Variants in SAXO2 observed in about 807,000 individuals in gnomAD.
SAXO2 encodes stabilizer of axonemal microtubules 2.
In SAXO2, 17 loss-of-function variants were observed where a neutral mutation model predicts 18.7. The ratio of observed to expected loss-of-function variants is 0.91; its 90% confidence interval spans 0.62 to 1.36. The LOEUF (loss-of-function observed/expected upper bound fraction) is 1.36. Ranked by LOEUF, SAXO2 falls within the 40% of genes most tolerant of loss-of-function variation. The pLI, the probability that SAXO2 is intolerant of heterozygous loss-of-function variation, is 0.00. For missense variants in SAXO2, 486 were observed against 562.6 expected (o/e 0.86, Z 1.38); for synonymous variants, 163 against 181.2 (o/e 0.90, Z 0.81).
At chr15:82,277,209 A>G (rs1359033440) in intron 3 of SAXO2, among the ~76,000 whole-genome samples, 1 of 152,186 alleles carries the variant, frequency 6.6e-6, no homozygotes, top group African/African-American at 2.4e-5. Context: ...AAGGCAAGAA[A>G]TAAGGGGTAT....
intron 3 of SAXO2, among the ~76,000 whole-genome samples, chr15:82,279,053 C>T (rs1433389907): frequency 1.3e-5 from 2 of 151,936 alleles, no homozygotes; most frequent in African/African-American, 2.4e-5. Flanking sequence ...ATGAGGATAA[C>T]AGCAGCAATC....
chr15:82,267,944 C>T (rs2075235077), intron 2 of SAXO2, among the ~76,000 whole-genome samples: 1 of 152,202 alleles, frequency 6.6e-6, no homozygotes, highest in African/African-American at 2.4e-5. Context: ...TGATTGAGTG[C>T]AGCAGGTCAG....
Position 82,262,921 on chromosome 15 carries a change from T to G in SAXO2, c.42T>G (p.Ile14Met). The part of the protein sequence containing the change: ...KSMRSWCLCQ[I>M]CSCGRHHCPR... ...TGAGGAGCTGGTGTCTGTGTCAGAT[T>G]TGTAGCTGCGGGTAAGAAACGGCTG... is the stretch of plus-strand genomic sequence containing the variant. The change falls in exon 1 of 4, where the codon ATT becomes ATG. Residue 14 changes from isoleucine (I) to methionine (M), a missense_variant. By Grantham distance (10) the Ile-to-Met change is conservative. Transcript: ENST00000682753. The G allele has an allele frequency of 6.2e-7, 1 of 1,604,852 alleles. No homozygotes were observed. The highest frequency in any genetic ancestry group is 8.5e-7 in the Non-Finnish European group (1 of 1,175,668).
intron 3 of SAXO2, 72 bp from the exon 4 acceptor site, chr15:82,282,047 A>T (rs376690154): frequency 1.6e-6 from 2 of 1,214,272 alleles, no homozygotes; most frequent in Non-Finnish European, 2.3e-6. Context: ...GAGAGAAGTC[A>T]GTTATGATTT....
In SAXO2 at chr15:82,284,255, C is replaced by G. The variant is rs1297974956; in HGVS notation, c.*1193C>G. 1 of 152,164 alleles carries G rather than the reference C, an allele frequency of 6.6e-6. No homozygotes were observed. Among genetic ancestry groups the G allele is most frequent in the Non-Finnish European group, 1.5e-5 (1 of 68,048 alleles). 9.4% of individuals were successfully genotyped at this position (152,164 alleles called of 1,614,324 possible). On this transcript the variant is annotated 3_prime_UTR_variant, in exon 4 of 4. Coordinates refer to ENST00000682753, the MANE Select transcript of SAXO2 (RefSeq NM_001348699.2). ...CCTGTAGCAAGGATTGTAAAATAAC[C>G]TAATTTGCTTTGAGCTTATGAGTAG...
In SAXO2 at chr15:82,262,864, C is replaced by T; in HGVS notation, c.-16C>T. Reference sequence around the variant, plus strand: ...AGTGGAGAAGCTGCAAGTGCTGAGGCGCGGTGGAGGAAAGCATGGGAGCCA... The same window carrying T: ...AGTGGAGAAGCTGCAAGTGCTGAGGTGCGGTGGAGGAAAGCATGGGAGCCA... On this transcript the variant is annotated 5_prime_UTR_variant, in exon 1 of 4. Coordinates refer to ENST00000682753, the MANE Select transcript of SAXO2 (RefSeq NM_001348699.2). 6.3e-7 allele frequency: 1 copy of T among 1,581,790 alleles called. No homozygotes were observed. The highest frequency in any genetic ancestry group is 8.6e-7 in the Non-Finnish European group (1 of 1,164,274).
Position 82,265,966 on chromosome 15 carries a change from A to C in SAXO2, c.233+218A>C, listed in dbSNP as rs1413483486. Among the ~76,000 whole-genome samples the C allele has an allele frequency of 8.5e-5, 13 of 152,214 alleles. No individual in the cohort carries two copies. In the South Asian group the frequency reaches 2.3e-3, roughly 27 times the overall value. Reference sequence around the variant, plus strand: ...GTGAGAAGAAAAAAGGGATATAAAAAGTTCTATTTTTTTTTAACTTCTTAA... The same window carrying C: ...GTGAGAAGAAAAAAGGGATATAAAACGTTCTATTTTTTTTTAACTTCTTAA... On this transcript the variant is annotated intron_variant, in intron 2 of 3. Coordinates refer to ENST00000682753, the MANE Select transcript of SAXO2 (RefSeq NM_001348699.2).
intron 3 of SAXO2, among the ~76,000 whole-genome samples, chr15:82,275,281 C>CAAAA (rs756023248): frequency 0.021 from 955 of 45,770 alleles, 80 homozygotes; most frequent in Middle Eastern, 0.071. Context: ...ACCTATCAAC[C>CAAAA]AAAAAAAAAA....
intron 2 of SAXO2, among the ~76,000 whole-genome samples, chr15:82,267,869 A>G (rs1165879101): frequency 1.3e-5 from 2 of 152,182 alleles, no homozygotes; most frequent in South Asian, 2.1e-4. Flanking sequence ...AAGAGCCAGT[A>G]GATAATAGAG....
At chr15:82,264,002 C>T (rs1253844524) in intron 1 of SAXO2, among the ~76,000 whole-genome samples, 27 of 151,026 alleles carry the variant, frequency 1.8e-4, no homozygotes, top group Non-Finnish European at 1.0e-4. Context: ...TATTGTAAAA[C>T]GCCTTCATAA....
intron 2 of SAXO2, among the ~76,000 whole-genome samples, chr15:82,269,984 G>A (rs1420757475): frequency 1.3e-5 from 2 of 152,144 alleles, no homozygotes; most frequent in African/African-American, 4.8e-5. Context: ...AAAGCAAAAA[G>A]GACCACATTT....
rs2075208838 is a variant in SAXO2 at position 82,265,573 on chromosome 15, C to T, written c.58C>T (p.His20Tyr). ...CLCQICSCGR[H>Y]HCPRGTTRIY... is the part of the protein sequence containing the mutation. ...TTCAGTTTATTTTTTGCACAGGCGACATCATTGTCCACGTGGAACCACAAG... is the reference window on the plus strand; with the variant it reads ...TTCAGTTTATTTTTTGCACAGGCGATATCATTGTCCACGTGGAACCACAAG... The change falls in exon 2 of 4, where the codon CAT becomes TAT. Residue 20 changes from histidine (H) to tyrosine (Y), a missense_variant. By Grantham distance (83) the His-to-Tyr change is moderately conservative. Coordinates refer to ENST00000682753, the MANE Select transcript of SAXO2 (RefSeq NM_001348699.2). 1 of 1,337,758 alleles carries T rather than the reference C, an allele frequency of 7.5e-7. No homozygotes were observed. Among genetic ancestry groups the T allele is most frequent in the East Asian group, 3.0e-5 (1 of 33,816 alleles). The allele number at this position is 1,337,758 out of a possible 1,614,324, so 82.9% of individuals were successfully genotyped here. A position where few individuals can be genotyped will look rare whatever the true frequency, so the allele number is the denominator to read the frequency against.
At chr15:82,277,020 G>T (rs938271973) in intron 3 of SAXO2, among the ~76,000 whole-genome samples, 3 of 152,078 alleles carry the variant, frequency 2.0e-5, no homozygotes, top group African/African-American at 7.2e-5. Flanking sequence ...AAAGGCAAGA[G>T]GATTTAAATA....
chr15:82,267,062 T>A (rs988905318), intron 2 of SAXO2, among the ~76,000 whole-genome samples: 3 of 152,196 alleles, frequency 2.0e-5, no homozygotes, highest in African/African-American at 7.2e-5. Flanking sequence ...TATAAAAATG[T>A]CAAGTTTGTG....
At chr15:82,275,852 C>A (rs2141373812) in intron 3 of SAXO2, among the ~76,000 whole-genome samples, 1 of 152,244 alleles carries the variant, frequency 6.6e-6, no homozygotes, top group East Asian at 1.9e-4. Flanking sequence ...GAAGCATTCC[C>A]TTTGAGAACT....
At chr15:82,281,618 C>T (rs1316756261) in intron 3 of SAXO2, among the ~76,000 whole-genome samples, 7 of 152,180 alleles carry the variant, frequency 4.6e-5, no homozygotes, top group African/African-American at 1.7e-4. Flanking sequence ...AAATTTTTCT[C>T]CCCTTTGATG....
Position 82,262,826 on chromosome 15 carries a change from C to T in SAXO2, c.-54C>T, listed in dbSNP as rs2075144800. On this transcript the variant is annotated 5_prime_UTR_variant, in exon 1 of 4. Transcript: ENST00000682753. ...CATCCCTCTGTTGCCTTGACTACGGCGGGCGCTGTGGGAGTGGAGAAGCTG... is the reference window on the plus strand; with the variant it reads ...CATCCCTCTGTTGCCTTGACTACGGTGGGCGCTGTGGGAGTGGAGAAGCTG... The T allele has an allele frequency of 6.5e-7, 1 of 1,546,106 alleles. No individual in the cohort carries two copies. Among genetic ancestry groups the T allele is most frequent in the African/African-American group, 1.4e-5 (1 of 72,722 alleles).
intron 2 of SAXO2, among the ~76,000 whole-genome samples, chr15:82,266,171 A>G (rs866277192): frequency 1.3e-5 from 2 of 152,090 alleles, no homozygotes; most frequent in Non-Finnish European, 2.9e-5. Context: ...AAAAAATCTC[A>G]TAATGTTTTA....
At position 82,282,284 on chromosome 15, in the gene SAXO2, G is replaced by A. The variant is rs770384622; in HGVS notation, c.599G>A (p.Arg200His). 5.6e-6 allele frequency: 9 copies of A among 1,614,134 alleles called. No homozygotes were observed. Among genetic ancestry groups the A allele is most frequent in the East Asian group, 2.2e-5 (1 of 44,882 alleles). The change falls in exon 4 of 4, where the codon CGT (arginine) becomes CAT (histidine). Residue 200 changes from arginine to histidine, a missense_variant. Arg to His is a conservative substitution (Grantham distance 29). Transcript: ENST00000682753. ...QSFKPSSVVK[R>H]STAPFNGITS... ...TTTAAACCCTCCTCTGTGGTCAAAC[G>A]TTCTACAGCCCCTTTTAATGGTATT...
Sources: gnomAD v4.1 joint callset for allele counts (sites outside exome capture counted in the v4.1 genomes callset) on GRCh38, gnomAD v4.1.1 for gene constraint, MANE v1.5 for transcripts, NCBI Gene and HGNC (gene_info 2026-07-23, HGNC 2026-07-21) for gene names.